CDH18: variants seen among roughly 807,000 people sequenced by gnomAD.
The protein encoded by CDH18 is cadherin 18.
Under a neutral mutation model 67.9 loss-of-function variants are expected in CDH18, and 31 were observed. The ratio of observed to expected loss-of-function variants is 0.46; its 90% CI spans 0.34 to 0.62. The LOEUF (loss-of-function observed/expected upper bound fraction) is 0.62. Among genes scored for constraint, CDH18 ranks in the 20% least tolerant of loss-of-function variants. The pLI is 0.01. For synonymous variants in CDH18, 362 were observed against 347.2 expected (o/e 1.04, Z -0.48); for missense variants, 890 against 975.5 (o/e 0.91, Z 1.17).
At chr5:20,438,487 A>G (rs1446615185) in intron 1 of CDH18, among the ~76,000 whole-genome samples, 2 of 151,358 alleles carry the variant, frequency 1.3e-5, no homozygotes, top group Non-Finnish European at 3.0e-5. Context: ...TCAAATTAAC[A>G]AGCTTCACCT....
At chr5:19,825,340 A>G (rs1043515730) in intron 3 of CDH18, among the ~76,000 whole-genome samples, 1 of 152,020 alleles carries the variant, frequency 6.6e-6, no homozygotes, top group East Asian at 1.9e-4. Flanking sequence ...TTAACCTCAA[A>G]AACACGCAGA....
chr5:19,814,849 C>T (rs974412628), intron 3 of CDH18, among the ~76,000 whole-genome samples: 2 of 32,240 alleles, frequency 6.2e-5, no homozygotes, highest in East Asian at 8.7e-4. Flanking sequence ...AAAATTGTTA[C>T]ACACACACAC....
intron 1 of CDH18, among the ~76,000 whole-genome samples, chr5:20,308,934 G>C (rs1337832536): frequency 6.6e-6 from 1 of 152,060 alleles, no homozygotes; most frequent in East Asian, 1.9e-4. Context: ...ATCGTATAAG[G>C]TTTTGATTTT....
intron 3 of CDH18, among the ~76,000 whole-genome samples, chr5:19,806,963 T>C (rs1284287417): frequency 2.6e-5 from 4 of 152,230 alleles, no homozygotes; most frequent in Admixed American, 2.6e-4. Flanking sequence ...TAAGACTATA[T>C]AATATAATAC....
intron 2 of CDH18, among the ~76,000 whole-genome samples, chr5:20,070,329 T>C (rs1028717687): frequency 9.9e-5 from 15 of 152,206 alleles, no homozygotes; most frequent in Non-Finnish European, 2.9e-5. Context: ...CAAAAATCGG[T>C]TAAATTTTTA....
intron 1 of CDH18, among the ~76,000 whole-genome samples, chr5:20,285,941 A>C (rs1003662699): frequency 1.3e-5 from 2 of 151,642 alleles, no homozygotes; most frequent in African/African-American, 4.8e-5. Flanking sequence ...TGTTCTGCAT[A>C]TCTTTAGTTA....
chr5:19,542,227 A>C (rs2127068936), intron 9 of CDH18, among the ~76,000 whole-genome samples: 1 of 152,298 alleles, frequency 6.6e-6, no homozygotes. Flanking sequence ...ACTACAGTGC[A>C]ATACCACCTC....
intron 1 of CDH18, among the ~76,000 whole-genome samples, chr5:20,376,183 T>C (rs1170995889): frequency 7.0e-6 from 1 of 142,434 alleles, no homozygotes; most frequent in Non-Finnish European, 1.5e-5. Flanking sequence ...AGGCTCCGCC[T>C]CCCGGGTTCA....
At chr5:20,304,526 T>C in intron 1 of CDH18, 1 of 1,608,924 alleles carries the variant, frequency 6.2e-7, no homozygotes, top group Non-Finnish European at 8.5e-7. Context: ...TGGTTTACTC[T>C]GGTAATATCT....
rs745664298 is a variant in CDH18, at chr5:19,747,064, C to T, written c.401G>A (p.Arg134His). Residue 134 changes from arginine to histidine, a missense_variant, in exon 4 of 13, where the codon CGT becomes CAT. Transcript: ENST00000382275. ...TTCAGGCTCAAGAGGTTTGTTTGTA[C>T]GTCTATCAATAGCTTGAGCATGAAG... ...YVLHAQAIDR[R>H]TNKPLEPESE... 67 of 1,613,930 alleles carry T rather than the reference C, an allele frequency of 4.2e-5. No homozygotes were observed. Among genetic ancestry groups the T allele is most frequent in the South Asian group, 1.4e-4 (13 of 91,076 alleles).
chr5:20,542,531 T>TATATGC (rs1310616755), intron 1 of CDH18, among the ~76,000 whole-genome samples: 1 of 151,692 alleles, frequency 6.6e-6, no homozygotes, highest in Non-Finnish European at 1.5e-5. Flanking sequence ...ATATATGCTA[T>TATATGC]ATATGCATAT....
rs193021462 is a variant in CDH18, at chr5:20,275,455, A to G, written c.-579-19950T>C. Reference sequence around the variant, plus strand: ...GCCTGCTCAACTGTGAGTCAGGTAAACCTCTTTTCTTCTTAAATTACCTAA... The same window carrying G: ...GCCTGCTCAACTGTGAGTCAGGTAAGCCTCTTTTCTTCTTAAATTACCTAA... On this transcript the variant is annotated intron_variant, in intron 1 of 14. Transcript: ENST00000507958. 1.1e-3 allele frequency among the ~76,000 whole-genome samples: 162 copies of G among 152,178 alleles called. 1 individual carries two copies. The highest frequency in any genetic ancestry group is 0.01 in the Admixed American group (160 of 15,278).
intron 3 of CDH18, among the ~76,000 whole-genome samples, chr5:19,761,642 A>G (rs917985600): frequency 7.9e-5 from 12 of 152,300 alleles, no homozygotes; most frequent in Middle Eastern, 6.8e-3. Flanking sequence ...GGAAGAATCA[A>G]TGTCATGAAA....
At chr5:19,624,291 G>T (rs1751177124) in intron 5 of CDH18, among the ~76,000 whole-genome samples, 1 of 152,006 alleles carries the variant, frequency 6.6e-6, no homozygotes, top group African/African-American at 2.4e-5. Context: ...ACAGGTGTGA[G>T]CCACCACCCT....
chr5:19,784,112 G>A (rs534710249), intron 3 of CDH18, among the ~76,000 whole-genome samples: 23 of 152,110 alleles, frequency 1.5e-4, no homozygotes, highest in African/African-American at 5.1e-4. Context: ...GCAAAAAACT[G>A]GACAACTTTT....
At chr5:19,874,430 T>G (rs900465237) in intron 2 of CDH18, among the ~76,000 whole-genome samples, 3 of 152,200 alleles carry the variant, frequency 2.0e-5, no homozygotes, top group African/African-American at 7.2e-5. Context: ...TAACAAAGCA[T>G]TTTATATGTT....
intron 11 of CDH18, among the ~76,000 whole-genome samples, chr5:19,484,884 T>A (rs1740111854): frequency 6.6e-6 from 1 of 152,158 alleles, no homozygotes; most frequent in Non-Finnish European, 1.5e-5. Flanking sequence ...GGCAGCTACA[T>A]CTATGAGTTA....
chr5:20,468,033 G>C (rs1751778445), intron 1 of CDH18, among the ~76,000 whole-genome samples: 1 of 97,568 alleles, frequency 1.0e-5, no homozygotes, highest in Non-Finnish European at 2.2e-5. Context: ...TATTATTTTT[G>C]AGACAGAGTC....
chr5:20,261,284 A>T (rs1744628651), intron 1 of CDH18, among the ~76,000 whole-genome samples: 1 of 152,198 alleles, frequency 6.6e-6, no homozygotes, highest in Non-Finnish European at 1.5e-5. Flanking sequence ...TGGAAAATAA[A>T]TTTTTAGAAA....
Sources: gnomAD v4.1 joint callset for allele counts (sites outside exome capture counted in the v4.1 genomes callset) on GRCh38, gnomAD v4.1.1 for gene constraint, MANE v1.5 for transcripts, NCBI Gene and HGNC (gene_info 2026-07-23, HGNC 2026-07-21) for gene names.